SV2C: variants seen among roughly 807,000 people sequenced by gnomAD.
SV2C encodes solute carrier family 22 member B3.
A neutral mutation model predicts 79.7 loss-of-function variants in SV2C; 49 were observed. The ratio of observed to expected loss-of-function variants is 0.61; its 90% CI spans 0.49 to 0.78. The LOEUF (loss-of-function observed/expected upper bound fraction) is 0.78. Ranked by LOEUF, SV2C falls within the 30% of genes least tolerant of loss-of-function variation. The pLI is 0.00. For synonymous variants in SV2C, 334 were observed against 333.2 expected (o/e 1.00, Z -0.03); for missense variants, 833 against 912.9 (o/e 0.91, Z 1.13).
the SV2C span, among the ~76,000 whole-genome samples, chr5:76,001,365 C>T: frequency 9.2e-5 from 14 of 152,064 alleles, no homozygotes; most frequent in Admixed American, 9.2e-4. Context: ...CTTTGGGAGG[C>T]CGGGGTGGGT....
the SV2C span, among the ~76,000 whole-genome samples, chr5:76,059,124 C>A: frequency 6.6e-6 from 1 of 152,200 alleles, no homozygotes; most frequent in East Asian, 1.9e-4. Context: ...TGCTAACAAT[C>A]ATCTGAGCCT....
intron 4 of SV2C, among the ~76,000 whole-genome samples, chr5:76,228,984 C>T (rs1375804595): frequency 6.6e-6 from 1 of 152,222 alleles, no homozygotes; most frequent in African/African-American, 2.4e-5. Context: ...CACAGGTACT[C>T]ACTGTGGCCC....
At chr5:76,274,708 A>G (rs768637331) in intron 4 of SV2C, among the ~76,000 whole-genome samples, 5 of 147,064 alleles carry the variant, frequency 3.4e-5, no homozygotes, top group Non-Finnish European at 7.4e-5. Context: ...CTTTTTACAA[A>G]TTGAGAAGGA....
downstream of SV2C, among the ~76,000 whole-genome samples, chr5:76,334,948 C>G (rs1749282021): frequency 6.6e-6 from 1 of 152,190 alleles, no homozygotes; most frequent in Non-Finnish European, 1.5e-5. Context: ...GCTGGGTAAG[C>G]AAGCAACAGT....
chr5:76,176,562 A>G (rs1051696477), intron 2 of SV2C, among the ~76,000 whole-genome samples: 7 of 152,168 alleles, frequency 4.6e-5, no homozygotes, highest in Non-Finnish European at 8.8e-5. Context: ...CCTGGTCCCC[A>G]TTTACTTAAT....
At chr5:75,991,301 G>A in the SV2C span, among the ~76,000 whole-genome samples, 143 of 151,532 alleles carry the variant, frequency 9.4e-4, 3 homozygotes, top group Non-Finnish European at 6.9e-4. Flanking sequence ...TTCCTATTGA[G>A]TTATTATCCC....
At chr5:75,911,680 ACATCT>A in the SV2C span, 1 of 692,788 alleles carries the variant, frequency 1.4e-6, no homozygotes. Context: ...CACCTTAATG[ACATCT>A]CAGATTGCTT....
chr5:76,228,304 A>T (rs2112392802), intron 4 of SV2C, among the ~76,000 whole-genome samples: 1 of 152,294 alleles, frequency 6.6e-6, no homozygotes, highest in African/African-American at 2.4e-5. Context: ...AATGGTTTGA[A>T]CAGGGCTGAG....
the SV2C span, among the ~76,000 whole-genome samples, chr5:75,897,527 C>T: frequency 6.6e-6 from 1 of 152,256 alleles, no homozygotes; most frequent in Non-Finnish European, 1.5e-5. Flanking sequence ...GTTCTTTTGG[C>T]TTAGGATTGA....
At chr5:75,896,331 G>A in the SV2C span, among the ~76,000 whole-genome samples, 1 of 150,540 alleles carries the variant, frequency 6.6e-6, no homozygotes, top group Non-Finnish European at 1.5e-5. Context: ...TTTTGTTCTT[G>A]CGATAGTTTA....
chr5:75,884,515 T>C, the SV2C span, among the ~76,000 whole-genome samples: 1 of 152,294 alleles, frequency 6.6e-6, no homozygotes, highest in African/African-American at 2.4e-5. Context: ...CTATTGGGTA[T>C]TGTTCATAGT....
chr5:76,271,192 T>A (rs1377986951), intron 4 of SV2C, among the ~76,000 whole-genome samples: 1 of 152,214 alleles, frequency 6.6e-6, no homozygotes, highest in Non-Finnish European at 1.5e-5. Flanking sequence ...TAACCATGAT[T>A]TTCTATGTTT....
At chr5:76,334,745 T>A (rs183070014), downstream of SV2C, among the ~76,000 whole-genome samples, 1 of 152,222 alleles carries the variant, frequency 6.6e-6, no homozygotes, top group African/African-American at 2.4e-5. Flanking sequence ...TCTCATTGGC[T>A]GGATTTGCAT....
the SV2C span, among the ~76,000 whole-genome samples, chr5:76,030,266 G>GTTTTTTTTT: frequency 1.0e-3 from 33 of 31,972 alleles, no homozygotes; most frequent in African/African-American, 1.6e-3. Context: ...TCAGAGGCTT[G>GTTTTTTTTT]TTTTTTTTTT....
At chr5:75,983,192 C>T in the SV2C span, among the ~76,000 whole-genome samples, 1 of 151,912 alleles carries the variant, frequency 6.6e-6, no homozygotes, top group Non-Finnish European at 1.5e-5. Flanking sequence ...ACCTATGTAA[C>T]AAACCTGTAC....
intron 2 of SV2C, among the ~76,000 whole-genome samples, chr5:76,159,734 G>A (rs909705217): frequency 2.0e-5 from 3 of 151,770 alleles, no homozygotes; most frequent in African/African-American, 7.3e-5. Context: ...TTAGATTAAG[G>A]GCCTACCCTA....
chr5:75,961,236 G>C, the SV2C span, among the ~76,000 whole-genome samples: 1 of 151,806 alleles, frequency 6.6e-6, no homozygotes, highest in Admixed American at 6.6e-5. Context: ...TTATTTTTTT[G>C]CATATGTCTA....
At chr5:75,885,776 C>G in the SV2C span, among the ~76,000 whole-genome samples, 1 of 151,980 alleles carries the variant, frequency 6.6e-6, no homozygotes, top group African/African-American at 2.4e-5. Context: ...AACTTGTTAG[C>G]TTACAAGTAG....
At chr5:75,919,284 G>A in the SV2C span, among the ~76,000 whole-genome samples, 11,257 of 152,186 alleles carry the variant, frequency 0.074, 448 homozygotes, top group Admixed American at 0.091. Flanking sequence ...GTTGGTCACC[G>A]GGCCCTCCCC....
Sources: allele counts gnomAD v4.1 joint callset (sites outside exome capture counted in the v4.1 genomes callset), GRCh38; gene constraint gnomAD v4.1.1; transcripts MANE v1.5; gene names NCBI Gene and HGNC (gene_info 2026-07-23, HGNC 2026-07-21).